DYNC2I1: variants seen among roughly 807,000 people sequenced by gnomAD.
DYNC2I1 encodes cytoplasmic dynein 2 intermediate chain 1.
Under a neutral mutation model 133.4 loss-of-function variants are expected in DYNC2I1, and 89 were observed. That is an observed-to-expected ratio of 0.67 (90% CI 0.56 to 0.80). The LOEUF is 0.80. Among genes scored for constraint, DYNC2I1 ranks in the 30% least tolerant of loss-of-function variants. The pLI, the probability that DYNC2I1 is intolerant of heterozygous loss-of-function variation, is 0.00. For missense variants in DYNC2I1, 1,291 were observed against 1,314.5 expected (o/e 0.98, Z 0.28); for synonymous variants, 504 against 484.3 (o/e 1.04, Z -0.54).
chr7:158,947,617 G>A (rs1405404125), downstream of DYNC2I1, among the ~76,000 whole-genome samples: 3 of 152,154 alleles, frequency 2.0e-5, no homozygotes, highest in Admixed American at 6.5e-5. Context: ...TTATGTGCCC[G>A]GTCACAGTGC....
At chr7:158,946,610 G>A (rs973484185), downstream of DYNC2I1, among the ~76,000 whole-genome samples, 5 of 152,260 alleles carry the variant, frequency 3.3e-5, no homozygotes, top group Non-Finnish European at 5.9e-5. Flanking sequence ...AGGGCTCTGC[G>A]TCTCAAAGGG....
intron 7 of DYNC2I1, 51 bp from the exon 8 acceptor site, chr7:158,891,214 C>G: frequency 6.2e-7 from 1 of 1,606,080 alleles, no homozygotes; most frequent in Non-Finnish European, 8.5e-7. Flanking sequence ...TGGCGTGTGC[C>G]CTGGAGTCCC....
At chr7:158,906,549 C>T (rs754526332) in intron 11 of DYNC2I1, among the ~76,000 whole-genome samples, 83 of 152,244 alleles carry the variant, frequency 5.5e-4, no homozygotes, top group Non-Finnish European at 1.0e-3. Context: ...ACCTCTGCCT[C>T]CCGGGTTCAA....
intron 2 of DYNC2I1, 98 bp from the exon 3 acceptor site, chr7:158,871,044 G>A: frequency 7.4e-7 from 1 of 1,352,028 alleles, no homozygotes; most frequent in East Asian, 2.4e-5. Context: ...TATGTTTTAA[G>A]GCCCTTCAGC....
chr7:158,883,190 CT>C (rs556210648), intron 5 of DYNC2I1, among the ~76,000 whole-genome samples: 63 of 149,782 alleles, frequency 4.2e-4, no homozygotes, highest in African/African-American at 1.4e-3. Flanking sequence ...TTCTCTCTCA[CT>C]TTCTCTATAT....
At chr7:158,948,150 A>G (rs534863720), downstream of DYNC2I1, among the ~76,000 whole-genome samples, 1 of 152,280 alleles carries the variant, frequency 6.6e-6, no homozygotes, top group South Asian at 2.1e-4. Context: ...GAGTAATCGC[A>G]GCCTCTAAAA....
At chr7:158,840,735 G>A in the DYNC2I1 span, among the ~76,000 whole-genome samples, 81 of 152,364 alleles carry the variant, frequency 5.3e-4, no homozygotes, top group African/African-American at 1.9e-3. Flanking sequence ...GAGGTTTTCA[G>A]TGGAGTGGTG....
At chr7:158,871,625 T>C in intron 3 of DYNC2I1, 63 bp downstream of exon 3, 1 of 1,319,648 alleles carries the variant, frequency 7.6e-7, no homozygotes, top group Non-Finnish European at 9.9e-7. Flanking sequence ...TGGTGACAGG[T>C]TGATAGCTCG....
At position 158,913,004 on chromosome 7, in the gene DYNC2I1, A is replaced by G. The variant is rs769178614; in HGVS notation, c.1610A>G (p.Glu537Gly). 6.2e-6 allele frequency: 10 copies of G among 1,612,604 alleles called. No homozygotes were observed. The Admixed American group carries it at 1.0e-4, about 16-fold the overall frequency. The change falls in exon 13 of 25, where the codon GAA (glutamate) becomes GGA (glycine). Residue 537 changes from glutamate to glycine, a missense_variant. Coordinates refer to ENST00000407559, the MANE Select transcript of DYNC2I1 (RefSeq NM_018051.5). ...NTKQAYVQCN[E>G]DNVERDIQTE... The stretch of plus-strand genomic sequence containing the variant: ...TTTAAGGCATATGTTCAGTGTAACG[A>G]AGATAATGTTGAAAGAGACATTCAA...
chr7:158,920,249 CAT>C (rs1848910407), intron 15 of DYNC2I1, among the ~76,000 whole-genome samples: 2 of 148,528 alleles, frequency 1.3e-5, no homozygotes, highest in Admixed American at 6.7e-5. Flanking sequence ...TCAGGGAACA[CAT>C]GAAGTGTGTG....
Position 158,902,609 on chromosome 7 carries a change from T to C in DYNC2I1, c.1357+14T>C. On this transcript the variant is annotated intron_variant, in intron 10 of 24. Transcript: ENST00000407559. Reference sequence around the variant, plus strand: ...AGCCCAGGACAGGTAAACAAATCAATGCTACTAATGGTGTCCGTGCTCTTA... The same window carrying C: ...AGCCCAGGACAGGTAAACAAATCAACGCTACTAATGGTGTCCGTGCTCTTA... 5 of 1,611,248 alleles carry C rather than the reference T, an allele frequency of 3.1e-6. No individual in the cohort carries two copies. The highest frequency in any genetic ancestry group is 4.2e-6 in the Non-Finnish European group (5 of 1,178,194).
At chr7:158,926,520 A>T in intron 19 of DYNC2I1, 57 bp downstream of exon 19, 1 of 1,579,692 alleles carries the variant, frequency 6.3e-7, no homozygotes, top group East Asian at 2.3e-5. Context: ...GTCTGGGTGG[A>T]GGTGGCGCCT....
At position 158,871,322 on chromosome 7, in the gene DYNC2I1, A is replaced by G; in HGVS notation, c.250A>G (p.Arg84Gly). 1 of 1,561,468 alleles carries G rather than the reference A, an allele frequency of 6.4e-7. No homozygotes were observed. The highest frequency in any genetic ancestry group is 1.2e-5 in the South Asian group (1 of 85,248). Residue 84 changes from arginine to glycine, a missense_variant, in exon 3 of 25, where the codon AGG (arginine) becomes GGG (glycine). By Grantham distance (125) the Arg-to-Gly change is moderately radical. Coordinates refer to ENST00000407559, the MANE Select transcript of DYNC2I1 (RefSeq NM_018051.5). ...CGCTAAGGAGAGTCCTCGTGGGGAG[A>G]GGGACAGAGACAGACAGAGGGAGAG... ...HTAKESPRGE[R>G]DRDRQRERRR...
At chr7:158,866,311 G>C (rs1379479507) in intron 1 of DYNC2I1, among the ~76,000 whole-genome samples, 2 of 151,054 alleles carry the variant, frequency 1.3e-5, no homozygotes, top group African/African-American at 2.4e-5. Flanking sequence ...GTCCATTGGT[G>C]TCCTGGGCAT....
intron 11 of DYNC2I1, 90 bp from the exon 12 acceptor site, chr7:158,911,460 T>G (rs989929279): frequency 7.1e-7 from 1 of 1,412,772 alleles, no homozygotes. Context: ...ATAACATGCA[T>G]TTAACTCTAA....
chr7:158,922,457 T>A lies in DYNC2I1; in HGVS notation c.2002T>A (p.Phe668Ile), dbSNP rs201430547. The A allele has an allele frequency of 6.2e-6, 10 of 1,614,014 alleles. No homozygotes were observed. The highest frequency in any genetic ancestry group is 8.5e-6 in the Non-Finnish European group (10 of 1,179,900). ...VSVHDLPEKS[F>I]VPLLDSKYVL... ...CGTTCACGACTTACCCGAGAAGAGC[T>A]TTGTGCCCCTGCTGGACAGCAAATA... Residue 668 changes from phenylalanine to isoleucine, a missense_variant, in exon 16 of 25, where the codon TTT (phenylalanine) becomes ATT (isoleucine). By Grantham distance (21) the Phe-to-Ile change is conservative. Coordinates refer to ENST00000407559, the MANE Select transcript of DYNC2I1 (RefSeq NM_018051.5).
chr7:158,926,056 T>G, intron 17 of DYNC2I1, 131 bp from the exon 18 acceptor site: 4 of 703,376 alleles, frequency 5.7e-6, no homozygotes, highest in African/African-American at 1.8e-5. Flanking sequence ...TTTGGGGTGT[T>G]TTGGGAAGAT....
rs1259123503 is a variant in DYNC2I1 at position 158,926,127 on chromosome 7, C to G, written c.2258-60C>G. 9.1e-6 allele frequency: 12 copies of G among 1,318,776 alleles called. No homozygotes were observed. The Admixed American group carries it at 9.6e-5, about 11-fold the overall frequency. 81.7% of individuals were successfully genotyped at this position (1,318,776 alleles called of 1,614,324 possible). ...ACCTCGTGTTTGTCCCTGTGTGATG[C>G]GAACTGCATTTCTTCAACTTACTAC... On this transcript the variant is annotated intron_variant, in intron 17 of 24. Transcript: ENST00000407559.
rs1419534395 is a variant in DYNC2I1, at chr7:158,945,837, T to G, written c.*58T>G. ...TGACCCAGATTTAAAAGACATAAGG[T>G]GGATAATTCTACATTTGTGTGCAAG... On this transcript the variant is annotated 3_prime_UTR_variant, in exon 25 of 25. Transcript: ENST00000407559. This position sits in a 1 kb window ranked among gnomAD's most constrained non-coding sequence, Gnocchi z 4.1. 6.5e-5 allele frequency: 93 copies of G among 1,428,948 alleles called. No individual in the cohort carries two copies. Among genetic ancestry groups the G allele is most frequent in the Non-Finnish European group, 8.5e-5 (92 of 1,081,020 alleles). The allele number at this position is 1,428,948 out of a possible 1,614,324, so 88.5% of individuals were successfully genotyped here.
Sources: gnomAD v4.1 joint callset for allele counts (sites outside exome capture counted in the v4.1 genomes callset) on GRCh38, gnomAD v4.1.1 for gene constraint, Gnocchi (gnomAD v3.1) non-coding constraint, MANE v1.5 for transcripts, NCBI Gene and HGNC (gene_info 2026-07-23, HGNC 2026-07-21) for gene names.